The following ZNF761 variants were observed in gnomAD, a reference collection of about 807,000 sequenced individuals.
ZNF761 encodes the protein zinc finger protein 761.
ZNF761 carries 43 observed loss-of-function variants against 59.9 expected under a neutral mutation model. The observed-to-expected ratio is 0.72, with a 90% CI of 0.56 to 0.92. The LOEUF (loss-of-function observed/expected upper bound fraction) is 0.92, where lower values mean the gene tolerates loss of function less well. Ranked by LOEUF, ZNF761 falls within the 40% of genes least tolerant of loss-of-function variation. The probability of loss-of-function intolerance (pLI) is 0.00; values close to 1 mark genes in which losing one functional copy is unlikely to be tolerated. For missense variants in ZNF761, 850 were observed against 906.1 expected, an observed-to-expected ratio of 0.94 and a Z score of 0.79; for synonymous variants, 294 against 304.8, an observed-to-expected ratio of 0.96 and a Z score of 0.37.
intron 4 of ZNF761, among the ~76,000 whole-genome samples, chr19:53,450,622 TATG>T (rs979980491): frequency 1.3e-5 from 2 of 152,210 alleles, no homozygotes; most frequent in African/African-American, 2.4e-5. Context: ...TTTGTTTGTT[TATG>T]ATGGAGTCTC....
At position 53,454,650 on chromosome 19, in the gene ZNF761, A is replaced by C. The variant is rs1356771056; in HGVS notation, c.143A>C (p.Asp48Ala). 2 of 1,585,332 alleles carry C rather than the reference A, an allele frequency of 1.3e-6. No homozygotes were observed. The highest frequency in any genetic ancestry group is 1.2e-5 in the South Asian group (1 of 86,156). The change falls in exon 5 of 5, where the codon GAT becomes GCT. Residue 48 changes from aspartate (D) to alanine (A), a missense_variant and splice_region_variant. Transcript: ENST00000684525. ...AGCTTTCGGTGTTTATGTTTTGTAGATATCTCTTCCAAATGCACGATGAAG... is the reference window on the plus strand; with the variant it reads ...AGCTTTCGGTGTTTATGTTTTGTAGCTATCTCTTCCAAATGCACGATGAAG... ...LENYRNLVSLDISSKCTMKEF... is the reference protein window; with the variant it reads ...LENYRNLVSLAISSKCTMKEF...
chr19:53,451,849 AGTGCTGGGATTACAGG>A (rs1170423487), intron 4 of ZNF761, among the ~76,000 whole-genome samples: 2 of 151,532 alleles, frequency 1.3e-5, no homozygotes, highest in Non-Finnish European at 2.9e-5. Context: ...AGCCTCCCAA[AGTGCTGGGATTACAGG>A]TGTGAACCAC....
chr19:53,456,314 G>C lies in ZNF761; in HGVS notation c.1807G>C (p.Glu603Gln), dbSNP rs2617726. ...LEIHQKIHTE[E>Q]NPYKCNECGK... ...AATACATCAGAAAATTCATACTGAA[G>C]AGAATCCTTACAAGTGTAATGAGTG... is the stretch of plus-strand genomic sequence containing the variant. The change falls in exon 5 of 5, where the codon GAG becomes CAG. Residue 603 changes from glutamate (E) to glutamine (Q), a missense_variant. By Grantham distance (29) the Glu-to-Gln change is conservative. Transcript: ENST00000684525. 667,109 of 1,613,534 alleles carry C rather than the reference G, an allele frequency of 0.41. 139,236 individuals carry two copies. Among genetic ancestry groups the C allele is most frequent in the Admixed American group, 0.55 (33,237 of 59,962 alleles).
intron 3 of ZNF761, among the ~76,000 whole-genome samples, chr19:53,448,155 C>T (rs1463851763): frequency 6.6e-6 from 1 of 152,112 alleles, no homozygotes; most frequent in African/African-American, 2.4e-5. Flanking sequence ...GCGTGCGTCA[C>T]CACGCCCAGC....
chr19:53,441,611 T>A (rs1458488351), intron 1 of ZNF761, among the ~76,000 whole-genome samples: 1 of 152,066 alleles, frequency 6.6e-6, no homozygotes, highest in African/African-American at 2.4e-5. Context: ...CACACCCAGC[T>A]AATTTTTGTA....
chr19:53,433,044 A>T (rs1420946120), intron 1 of ZNF761, among the ~76,000 whole-genome samples: 2 of 123,516 alleles, frequency 1.6e-5, no homozygotes, highest in Admixed American at 8.1e-5. Context: ...GAGTGGGGAC[A>T]GGGGGGTATA....
Position 53,433,632 on chromosome 19 carries a change from A to G in ZNF761, c.-185+1604A>G, listed in dbSNP as rs931645003. Among the ~76,000 whole-genome samples the G allele has an allele frequency of 1.2e-4, 19 of 152,266 alleles. 1 individual carries two copies. Among genetic ancestry groups the G allele is most frequent in the South Asian group, 4.2e-4 (2 of 4,818 alleles). On this transcript the variant is annotated intron_variant, in intron 1 of 4. Coordinates refer to ENST00000684525, the MANE Select transcript of ZNF761 (RefSeq NM_001289951.2). Reference sequence around the variant, plus strand: ...CAAGATTTTACTAGAAGACATCACTATTACTGGATTCTTCATGAAAGAGCA... The same window carrying G: ...CAAGATTTTACTAGAAGACATCACTGTTACTGGATTCTTCATGAAAGAGCA...
intron 4 of ZNF761, among the ~76,000 whole-genome samples, chr19:53,453,289 G>A (rs931585857): frequency 3.9e-5 from 6 of 152,028 alleles, no homozygotes; most frequent in Admixed American, 6.6e-5. Flanking sequence ...GACCGTGCCC[G>A]GCTGTTAGTC....
intron 1 of ZNF761, among the ~76,000 whole-genome samples, chr19:53,435,544 C>G (rs1328775959): frequency 6.6e-6 from 1 of 151,094 alleles, no homozygotes; most frequent in Non-Finnish European, 1.5e-5. Context: ...CTCAGGTGAT[C>G]CACCCATCGT....
At chr19:53,437,491 A>C (rs901610691) in intron 1 of ZNF761, among the ~76,000 whole-genome samples, 1 of 152,138 alleles carries the variant, frequency 6.6e-6, no homozygotes, top group Non-Finnish European at 1.5e-5. Context: ...TCTTCTTGGC[A>C]CACCAGGATC....
chr19:53,433,731 A>C (rs141186026), intron 1 of ZNF761, among the ~76,000 whole-genome samples: 2,151 of 152,268 alleles, frequency 0.014, 38 homozygotes, highest in Middle Eastern at 0.048. Flanking sequence ...TAGTTGATTG[A>C]ATGCTCTTAA....
Position 53,454,640 on chromosome 19 carries a change from T to C in ZNF761, c.143-10T>C. 6.4e-7 allele frequency: 1 copy of C among 1,569,246 alleles called. No individual in the cohort carries two copies. Among genetic ancestry groups the C allele is most frequent in the Non-Finnish European group, 8.6e-7 (1 of 1,158,658 alleles). On this transcript the variant is annotated splice_polypyrimidine_tract_variant and intron_variant, in intron 4 of 4. Coordinates refer to ENST00000684525, the MANE Select transcript of ZNF761 (RefSeq NM_001289951.2). ...TTAATTTGAAAGCTTTCGGTGTTTA[T>C]GTTTTGTAGATATCTCTTCCAAATG...
chr19:53,447,254 G>T lies in ZNF761; in HGVS notation c.-15G>T. The T allele has an allele frequency of 6.2e-7, 1 of 1,612,768 alleles. No individual in the cohort carries two copies. The highest frequency in any genetic ancestry group is 8.5e-7 in the Non-Finnish European group (1 of 1,179,462). On this transcript the variant is annotated 5_prime_UTR_variant, in exon 3 of 5. Transcript: ENST00000684525. ...AGAAACCCGGAAGAGGAAGAGGAGA[G>T]CAAAGGAGTCAGGGATGGCTTTTTC...
intron 3 of ZNF761, 88 bp from the exon 4 acceptor site, chr19:53,449,424 T>G: frequency 1.2e-6 from 2 of 1,601,026 alleles, no homozygotes; most frequent in Non-Finnish European, 1.7e-6. Context: ...TGCATTTAAA[T>G]CCATGCCTTC....
intron 1 of ZNF761, among the ~76,000 whole-genome samples, chr19:53,445,462 C>T (rs908607129): frequency 1.3e-5 from 2 of 148,446 alleles, no homozygotes; most frequent in Non-Finnish European, 3.0e-5. Context: ...TCATCTCAGA[C>T]CTTCTCAGGG....
Position 53,455,775 on chromosome 19 carries a change from C to A in ZNF761, c.1268C>A (p.Ser423Ter). The change falls in exon 5 of 5, where the codon TCA (serine) becomes TAA (stop). Residue 423 changes from serine (S) to a stop codon, truncating the protein, a stop_gained. Transcript: ENST00000684525. LOFTEE classifies it high-confidence loss of function. ...EECDKAYSFR[S>*]NFEIHRKIHT... ...TGTGACAAAGCTTACAGTTTCAGATCAAATTTTGAAATACATCGGAAAATT... is the reference window on the plus strand; with the variant it reads ...TGTGACAAAGCTTACAGTTTCAGATAAAATTTTGAAATACATCGGAAAATT... 1 of 1,613,948 alleles carries A rather than the reference C, an allele frequency of 6.2e-7. No individual in the cohort carries two copies. Among genetic ancestry groups the A allele is most frequent in the Non-Finnish European group, 8.5e-7 (1 of 1,179,996 alleles).
Position 53,456,550 on chromosome 19 carries a change from T to C in ZNF761, c.2043T>C (p.His681=), listed in dbSNP as rs4803129. Residue 681 remains histidine, a synonymous_variant, in exon 5 of 5, where the codon CAT becomes CAC. Transcript: ENST00000684525. ...GGAAGTCATATTTTATATGCCATCATAGACTTCATACTGGAGAGAAACCTT... is the reference window on the plus strand; with the variant it reads ...GGAAGTCATATTTTATATGCCATCACAGACTTCATACTGGAGAGAAACCTT... ...FSRKSYFICH[H]RLHTGEKPYK... The C allele has an allele frequency of 0.18, 285,403 of 1,613,070 alleles. 25,630 individuals carry two copies. The highest frequency in any genetic ancestry group is 0.19 in the Non-Finnish European group (220,759 of 1,179,476).
intron 1 of ZNF761, among the ~76,000 whole-genome samples, chr19:53,439,434 T>C (rs2086076460): frequency 6.6e-6 from 1 of 151,904 alleles, no homozygotes; most frequent in Non-Finnish European, 1.5e-5. Flanking sequence ...GCCTCCCGAA[T>C]AGGTGGGACC....
intron 3 of ZNF761, among the ~76,000 whole-genome samples, chr19:53,448,775 AT>A (rs35551715): frequency 0.75 from 93,233 of 124,958 alleles, 34,678 homozygotes; most frequent in South Asian, 0.83. Flanking sequence ...TGGCTAGCTA[AT>A]TTTTTTTTTT....
Sources: allele counts gnomAD v4.1 joint callset (sites outside exome capture counted in the v4.1 genomes callset), GRCh38; gene constraint gnomAD v4.1.1; transcripts MANE v1.5; gene names NCBI Gene and HGNC (gene_info 2026-07-23, HGNC 2026-07-21).